The following TCF20 variants were observed in gnomAD, a reference collection of about 807,000 sequenced individuals.
The protein encoded by TCF20 is SPRE-binding protein.
TCF20 carries 3 observed loss-of-function variants against 148.6 expected under a neutral mutation model. The ratio of observed to expected loss-of-function variants is 0.02; its 90% CI spans 0.01 to 0.05. TCF20 has a LOEUF of 0.05. Among genes scored for constraint, TCF20 ranks in the 10% least tolerant of loss-of-function variants. The pLI, the probability that TCF20 is intolerant of heterozygous loss-of-function variation, is 1.00. For synonymous variants in TCF20, 1,049 were observed against 909.5 expected, an observed-to-expected ratio of 1.15 and a Z score of -2.76; for missense variants, 2,350 against 2,429.3, an observed-to-expected ratio of 0.97 and a Z score of 0.69.
chr22:42,225,866 A>T (rs185467817), intron 1 of TCF20, among the ~76,000 whole-genome samples: 2 of 152,286 alleles, frequency 1.3e-5, no homozygotes, highest in Admixed American at 1.3e-4. Context: ...GCAAGTGTGC[A>T]CACAGGGTCA....
In TCF20 at chr22:42,199,172, A is replaced by T. The variant is rs180998838; in HGVS notation, c.5655+10479T>A. Among the ~76,000 whole-genome samples, 24 of 152,310 alleles carry T rather than the reference A, an allele frequency of 1.6e-4. No homozygotes were observed. The East Asian group carries it at 4.4e-3, about 28-fold the overall frequency. Reference sequence around the variant, plus strand: ...GTTTTACAATAAGAATAATACTGTTATCTTTATGTAAATAATATGTAAATC... The same window carrying T: ...GTTTTACAATAAGAATAATACTGTTTTCTTTATGTAAATAATATGTAAATC... On this transcript the variant is annotated intron_variant, in intron 2 of 5. Transcript: ENST00000677622.
intron 1 of TCF20, among the ~76,000 whole-genome samples, chr22:42,335,786 A>T (rs1928056017): frequency 6.6e-6 from 1 of 152,088 alleles, no homozygotes; most frequent in Admixed American, 6.5e-5. Context: ...CAAGGGGGTG[A>T]CAGGGAGCCC....
intron 1 of TCF20, among the ~76,000 whole-genome samples, chr22:42,248,591 G>A (rs911573083): frequency 1.3e-5 from 2 of 152,150 alleles, no homozygotes; most frequent in Non-Finnish European, 2.9e-5. Context: ...AGCAAAAACT[G>A]TCTGCAATCA....
At chr22:42,201,527 G>T (rs1938017737) in intron 2 of TCF20, among the ~76,000 whole-genome samples, 1 of 152,122 alleles carries the variant, frequency 6.6e-6, no homozygotes. Context: ...CAACACTTCG[G>T]GAGGCTGAGG....
intron 1 of TCF20, among the ~76,000 whole-genome samples, chr22:42,249,390 A>G (rs1191161826): frequency 6.6e-6 from 1 of 152,208 alleles, no homozygotes; most frequent in Non-Finnish European, 1.5e-5. Flanking sequence ...CTGTCTCCCT[A>G]GGGAACCCTG....
chr22:42,176,973 A>G (rs997064878), intron 3 of TCF20, among the ~76,000 whole-genome samples: 7 of 152,208 alleles, frequency 4.6e-5, no homozygotes, highest in Non-Finnish European at 1.0e-4. Context: ...TATATTGTAT[A>G]GTTTCAAATG....
chr22:42,206,377 G>A (rs925069106), intron 2 of TCF20, among the ~76,000 whole-genome samples: 1 of 152,012 alleles, frequency 6.6e-6, no homozygotes, highest in African/African-American at 2.4e-5. Context: ...CCAACATGGT[G>A]AAACCCCACA....
intron 1 of TCF20, among the ~76,000 whole-genome samples, chr22:42,337,928 G>C (rs373461603): frequency 6.6e-6 from 1 of 152,212 alleles, no homozygotes; most frequent in African/African-American, 2.4e-5. Flanking sequence ...GAATGGGCCT[G>C]GGAGGGGGTC....
intron 1 of TCF20, among the ~76,000 whole-genome samples, chr22:42,243,288 GTC>G (rs1924601471): frequency 1.7e-4 from 5 of 29,308 alleles, no homozygotes. Flanking sequence ...GCAAGACACT[GTC>G]TCAAAAAAAA....
intron 1 of TCF20, among the ~76,000 whole-genome samples, chr22:42,315,147 C>G (rs895047482): frequency 4.6e-5 from 7 of 152,100 alleles, no homozygotes; most frequent in Non-Finnish European, 7.4e-5. Flanking sequence ...GTGGACACCT[C>G]TAGAGATTTC....
intron 1 of TCF20, among the ~76,000 whole-genome samples, chr22:42,255,975 T>C (rs1925719656): frequency 6.6e-6 from 1 of 152,190 alleles, no homozygotes; most frequent in Non-Finnish European, 1.5e-5. Context: ...CAGGGTTTGA[T>C]TGATAATATG....
chr22:42,247,598 G>C (rs1180965109), intron 1 of TCF20, among the ~76,000 whole-genome samples: 1 of 152,126 alleles, frequency 6.6e-6, no homozygotes, highest in Non-Finnish European at 1.5e-5. Context: ...TCCTACCATG[G>C]AACCCTGAAG....
chr22:42,331,834 G>A (rs1407311987), intron 1 of TCF20, among the ~76,000 whole-genome samples: 1 of 152,238 alleles, frequency 6.6e-6, no homozygotes, highest in Non-Finnish European at 1.5e-5. Context: ...GGAAGGTCTG[G>A]TTCCTTCATT....
At chr22:42,288,517 A>G (rs771691692), upstream of TCF20, among the ~76,000 whole-genome samples, 1 of 145,088 alleles carries the variant, frequency 6.9e-6, no homozygotes, top group Non-Finnish European at 1.5e-5. Flanking sequence ...ACCTGGCAAT[A>G]GAGCAAGACT....
At position 42,292,028 on chromosome 22, in the gene TCF20, C is replaced by G. The variant is rs5758699; in HGVS notation, c.-37+51451G>C. Among the ~76,000 whole-genome samples the G allele has an allele frequency of 0.25, 37,914 of 151,970 alleles. 5,442 individuals carry two copies. Among genetic ancestry groups the G allele is most frequent in the African/African-American group, 0.38 (15,798 of 41,392 alleles). On this transcript the variant is annotated intron_variant, in intron 1 of 1. Coordinates refer to the TCF20 transcript ENST00000515426. The surrounding 1 kb of genome is among the most constrained non-coding windows in gnomAD (Gnocchi z 4.9). ...TCTCCTGCCCCTGTGGACCTGAGGT[C>G]TCTGACCTGGGTAAAAGCAGGCACC...
rs373813794 is a variant in TCF20, at chr22:42,211,828, C to T, written c.3478G>A (p.Ala1160Thr). 1.3e-5 allele frequency: 21 copies of T among 1,614,072 alleles called. No individual in the cohort carries two copies. The African/African-American group carries it at 2.4e-4, about 18-fold the overall frequency. The change falls in exon 2 of 6, where the codon GCT (alanine) becomes ACT (threonine). Residue 1160 changes from alanine (A) to threonine (T), a missense_variant. Ala to Thr is a moderately conservative substitution (Grantham distance 58, BLOSUM62 0). Coordinates refer to ENST00000677622, the MANE Select transcript of TCF20 (RefSeq NM_001378418.1). ...GTYHDPSAQE[A>T]GRCLMSSDGL... Reference sequence around the variant, plus strand: ...TCACTAGACATTAGGCAGCGCCCAGCCTCCTGGGCACTGGGGTCATGGTAA... The same window carrying T: ...TCACTAGACATTAGGCAGCGCCCAGTCTCCTGGGCACTGGGGTCATGGTAA...
At chr22:42,197,154 T>C (rs575891648) in intron 2 of TCF20, among the ~76,000 whole-genome samples, 8 of 152,188 alleles carry the variant, frequency 5.3e-5, no homozygotes, top group African/African-American at 1.7e-4. Flanking sequence ...AGGACACAAT[T>C]CTAAGGCTGA....
At chr22:42,209,130 G>A (rs767047905) in intron 2 of TCF20, among the ~76,000 whole-genome samples, 3 of 152,170 alleles carry the variant, frequency 2.0e-5, no homozygotes, top group Non-Finnish European at 2.9e-5. Context: ...TCTCAATTAA[G>A]CATGAGGCTA....
chr22:42,225,103 C>T (rs181281851), intron 1 of TCF20, among the ~76,000 whole-genome samples: 70 of 149,348 alleles, frequency 4.7e-4, no homozygotes, highest in Admixed American at 2.2e-3. Context: ...TCAAGCAATT[C>T]TCCTGCCTCA....
Sources: gnomAD v4.1 joint callset for allele counts (sites outside exome capture counted in the v4.1 genomes callset) on GRCh38, gnomAD v4.1.1 for gene constraint, Gnocchi (gnomAD v3.1) non-coding constraint, MANE v1.5 for transcripts, NCBI Gene and HGNC (gene_info 2026-07-23, HGNC 2026-07-21) for gene names.